The following CACNA1E variants were observed in gnomAD, a reference collection of about 807,000 sequenced individuals.
CACNA1E encodes voltage-dependent R-type calcium channel subunit alpha-1E.
In CACNA1E, 40 loss-of-function variants were observed where a neutral mutation model predicts 259.2. That is an observed-to-expected ratio of 0.15 (90% CI 0.12 to 0.20). The LOEUF is 0.20. CACNA1E is among the 10% of genes least tolerant of loss of function. The probability of loss-of-function intolerance (pLI) is 1.00; values close to 1 mark genes in which losing one functional copy is unlikely to be tolerated. For missense variants in CACNA1E, 1,874 were observed against 3,040.1 expected (o/e 0.62, Z 9.02); for synonymous variants, 1,104 against 1,138.5 (o/e 0.97, Z 0.61).
At chr1:181,691,134 A>G (rs986929556) in intron 7 of CACNA1E, among the ~76,000 whole-genome samples, 1 of 151,842 alleles carries the variant, frequency 6.6e-6, no homozygotes, top group African/African-American at 2.4e-5. Flanking sequence ...TCAACCTAAC[A>G]TTTCTATTAG....
At chr1:181,542,838 T>C (rs1422255365) in intron 3 of CACNA1E, among the ~76,000 whole-genome samples, 1 of 150,882 alleles carries the variant, frequency 6.6e-6, no homozygotes, top group African/African-American at 2.4e-5. Context: ...AAGTAACTTT[T>C]GTGGAACAGT....
chr1:181,491,612 T>C (rs567189432), intron 1 of CACNA1E, among the ~76,000 whole-genome samples: 2 of 152,334 alleles, frequency 1.3e-5, no homozygotes, highest in Admixed American at 1.3e-4. Context: ...AACAAAAGCT[T>C]ATGCTTTGGG....
chr1:181,365,949 T>G (rs1305314303), intron 1 of CACNA1E, among the ~76,000 whole-genome samples: 1 of 152,142 alleles, frequency 6.6e-6, no homozygotes, highest in Non-Finnish European at 1.5e-5. Flanking sequence ...AGTGAGATGG[T>G]TCTTGGGGAC....
intron 1 of CACNA1E, among the ~76,000 whole-genome samples, chr1:181,386,321 G>T (rs1655845490): frequency 6.6e-6 from 1 of 152,160 alleles, no homozygotes. Context: ...GGCAGGGGAG[G>T]TGTTCCAGCT....
rs183523780 is a variant in CACNA1E, at chr1:181,753,245, C to T, written c.3828+1006C>T. Among the ~76,000 whole-genome samples, 6 of 152,330 alleles carry T rather than the reference C, an allele frequency of 3.9e-5. No individual in the cohort carries two copies. In the East Asian group the frequency reaches 7.7e-4, roughly 20 times the overall value. On this transcript the variant is annotated intron_variant, in intron 27 of 47. Transcript: ENST00000367573. ...TTCTCAAGGTGTGGGTCATAGGCCA[C>T]CTGCATCAGGATCACCTGGGTACTT... is the stretch of plus-strand genomic sequence containing the variant.
At chr1:181,531,883 C>T (rs1326356302) in intron 3 of CACNA1E, among the ~76,000 whole-genome samples, 2 of 152,110 alleles carry the variant, frequency 1.3e-5, no homozygotes, top group African/African-American at 4.8e-5. Flanking sequence ...GGTGAAACCC[C>T]GTCTCTACCA....
intron 6 of CACNA1E, among the ~76,000 whole-genome samples, chr1:181,640,511 G>A (rs755136350): frequency 1.3e-5 from 2 of 152,178 alleles, no homozygotes; most frequent in Non-Finnish European, 2.9e-5. Context: ...AACCAGTGGG[G>A]CTAACCAGAC....
chr1:181,596,427 C>T (rs772616316), intron 6 of CACNA1E, among the ~76,000 whole-genome samples: 10 of 152,198 alleles, frequency 6.6e-5, no homozygotes, highest in East Asian at 1.9e-4. Context: ...CCACCTGCGT[C>T]GGACTTGTGC....
rs527411877 is a variant in CACNA1E at position 181,346,642 on chromosome 1, G to T, written c.-15+28519G>T. The stretch of plus-strand genomic sequence containing the variant: ...TTCCCTTAGGACCCTTCTCTAAGGG[G>T]AGTCAGCCAATCTCAGGTGTGTCAA... On this transcript the variant is annotated intron_variant, in intron 1 of 11. Coordinates refer to the CACNA1E transcript ENST00000524607. Among the ~76,000 whole-genome samples the T allele has an allele frequency of 5.3e-4, 81 of 152,292 alleles. 1 individual carries two copies. Among genetic ancestry groups the T allele is most frequent in the African/African-American group, 1.8e-3 (76 of 41,554 alleles).
intron 3 of CACNA1E, among the ~76,000 whole-genome samples, chr1:181,546,865 G>T (rs999764474): frequency 1.3e-5 from 2 of 152,146 alleles, no homozygotes; most frequent in Non-Finnish European, 2.9e-5. Context: ...CCAGGCACTG[G>T]GCTCACCCCT....
At chr1:181,598,297 T>C (rs1393194578) in intron 6 of CACNA1E, among the ~76,000 whole-genome samples, 2 of 152,132 alleles carry the variant, frequency 1.3e-5, no homozygotes, top group Admixed American at 1.3e-4. Context: ...TTGTGTTCAG[T>C]GGATGCCTTG....
At chr1:181,541,460 G>C (rs968389805) in intron 3 of CACNA1E, among the ~76,000 whole-genome samples, 4 of 151,990 alleles carry the variant, frequency 2.6e-5, no homozygotes, top group Admixed American at 2.0e-4. Flanking sequence ...AAAAAAGGGG[G>C]AAGGGGATGA....
At position 181,752,357 on chromosome 1, in the gene CACNA1E, A is replaced by G. The variant is rs1657671507; in HGVS notation, c.3828+118A>G. ...GAATATTCCTTTTTCTCACACGGATATCGAAGTTCTTTTCATCTGCCTGAG... is the reference window on the plus strand; with the variant it reads ...GAATATTCCTTTTTCTCACACGGATGTCGAAGTTCTTTTCATCTGCCTGAG... On this transcript the variant is annotated intron_variant, in intron 27 of 47. Coordinates refer to ENST00000367573, the MANE Select transcript of CACNA1E (RefSeq NM_001205293.3). 7 of 739,346 alleles carry G rather than the reference A, an allele frequency of 9.5e-6. 1 individual carries two copies. Among genetic ancestry groups the G allele is most frequent in the South Asian group, 8.3e-5 (5 of 60,246 alleles). The allele number at this position is 739,346 out of a possible 1,614,324, so 45.8% of individuals were successfully genotyped here.
At chr1:181,468,029 C>T (rs1662259325) in intron 2 of CACNA1E, among the ~76,000 whole-genome samples, 2 of 152,166 alleles carry the variant, frequency 1.3e-5, no homozygotes, top group African/African-American at 2.4e-5. Flanking sequence ...ACACCCTTCT[C>T]TACATGTCTT....
In CACNA1E at chr1:181,561,019, A is replaced by C. The variant is rs542788682; in HGVS notation, c.513-16747A>C. Among the ~76,000 whole-genome samples, 37 of 152,332 alleles carry C rather than the reference A, an allele frequency of 2.4e-4. No homozygotes were observed. In the South Asian group the frequency reaches 3.9e-3, roughly 16 times the overall value. On this transcript the variant is annotated intron_variant, in intron 3 of 47. Transcript: ENST00000367573. ...ACAAATACTATGTGATTCCACTCATATTAGGTACTTAGAGTGGTCAGATTC... is the reference window on the plus strand; with the variant it reads ...ACAAATACTATGTGATTCCACTCATCTTAGGTACTTAGAGTGGTCAGATTC...
intron 3 of CACNA1E, among the ~76,000 whole-genome samples, chr1:181,558,435 A>G (rs1282856518): frequency 6.6e-6 from 1 of 152,248 alleles, no homozygotes; most frequent in Non-Finnish European, 1.5e-5. Flanking sequence ...TAGTAGGGAA[A>G]AACAGATAAG....
intron 7 of CACNA1E, among the ~76,000 whole-genome samples, chr1:181,661,401 C>A (rs1388243936): frequency 6.6e-6 from 1 of 152,018 alleles, no homozygotes; most frequent in East Asian, 1.9e-4. Flanking sequence ...GTGTTGGGGG[C>A]CAGGTGTCGG....
In CACNA1E at chr1:181,568,885, C is replaced by T. The variant is rs138727147; in HGVS notation, c.513-8881C>T. Among the ~76,000 whole-genome samples the T allele has an allele frequency of 3.9e-3, 597 of 152,310 alleles. 3 individuals carry two copies. The highest frequency in any genetic ancestry group is 5.5e-3 in the Non-Finnish European group (374 of 68,020). ...CTCCATTAAGTGCTGGGATTACAGG[C>T]GTGAGCCACTGTGCCTGGCCCTCTT... On this transcript the variant is annotated intron_variant, in intron 3 of 47. Transcript: ENST00000367573.
At chr1:181,474,220 A>C (rs1662698328) in intron 2 of CACNA1E, among the ~76,000 whole-genome samples, 1 of 152,230 alleles carries the variant, frequency 6.6e-6, no homozygotes, top group Non-Finnish European at 1.5e-5. Flanking sequence ...TTATTGAAAA[A>C]TATGATCCAG....
Sources: allele counts gnomAD v4.1 joint callset (sites outside exome capture counted in the v4.1 genomes callset), GRCh38; gene constraint gnomAD v4.1.1; transcripts MANE v1.5; gene names NCBI Gene and HGNC (gene_info 2026-07-23, HGNC 2026-07-21).